SCARB1: variants seen among roughly 807,000 people sequenced by gnomAD.
SCARB1 encodes scavenger receptor class B member 1.
Under a neutral mutation model 57.2 loss-of-function variants are expected in SCARB1, and 30 were observed. The ratio of observed to expected loss-of-function variants is 0.52; its 90% CI spans 0.39 to 0.71. SCARB1 has a LOEUF of 0.71. Among genes scored for constraint, SCARB1 ranks in the 30% least tolerant of loss-of-function variants. SCARB1 has a pLI of 0.00. For missense variants in SCARB1, 543 were observed against 671.2 expected (o/e 0.81, Z 2.11); for synonymous variants, 249 against 268.3 (o/e 0.93, Z 0.70).
At chr12:124,832,523 A>AC (rs1951445312) in intron 1 of SCARB1, among the ~76,000 whole-genome samples, 1 of 151,896 alleles carries the variant, frequency 6.6e-6, no homozygotes, top group South Asian at 2.1e-4. Flanking sequence ...TGGTCTCAAA[A>AC]AAAAAAAAAC....
chr12:124,819,303 T>C (rs1455270993), intron 1 of SCARB1, among the ~76,000 whole-genome samples: 2 of 152,168 alleles, frequency 1.3e-5, no homozygotes, highest in Non-Finnish European at 2.9e-5. Context: ...AGGGAGACGC[T>C]GGGAGAGAGC....
intron 1 of SCARB1, among the ~76,000 whole-genome samples, chr12:124,832,596 C>T (rs533701311): frequency 7.2e-4 from 109 of 151,964 alleles, no homozygotes; most frequent in African/African-American, 2.6e-3. Context: ...CAGGGAGGGC[C>T]AAATCAGTGC....
intron 7 of SCARB1, among the ~76,000 whole-genome samples, chr12:124,801,561 T>A (rs993790161): frequency 2.0e-5 from 3 of 150,792 alleles, no homozygotes; most frequent in Non-Finnish European, 4.4e-5. Flanking sequence ...GGCGGGTGGA[T>A]CACTTGAGGT....
At chr12:124,805,060 G>A (rs779615381) in intron 7 of SCARB1, among the ~76,000 whole-genome samples, 16 of 151,112 alleles carry the variant, frequency 1.1e-4, no homozygotes, top group Non-Finnish European at 1.3e-4. Flanking sequence ...TGAATGGAAG[G>A]GGCAATGAAT....
Position 124,817,743 on chromosome 12 carries a change from G to A in SCARB1, c.127-36C>T, listed in dbSNP as rs369896139. The stretch of plus-strand genomic sequence containing the variant: ...AGGGACAAGTACGCTTGTGAGGAGA[G>A]TGATGAGGGCCCCACGCCCCACCAC... On this transcript the variant is annotated intron_variant, in intron 1 of 12. Transcript: ENST00000261693. The surrounding 1 kb of genome is among the most constrained non-coding windows in gnomAD (Gnocchi z 4.8). The A allele has an allele frequency of 8.1e-6, 13 of 1,612,420 alleles. No individual in the cohort carries two copies. The highest frequency in any genetic ancestry group is 2.7e-5 in the African/African-American group (2 of 74,882).
intron 1 of SCARB1, among the ~76,000 whole-genome samples, chr12:124,857,436 G>A (rs935765944): frequency 6.6e-6 from 1 of 152,194 alleles, no homozygotes; most frequent in Non-Finnish European, 1.5e-5. Context: ...GACATCCCTG[G>A]CTGGCCCTGG....
In SCARB1 at chr12:124,827,305, G is replaced by A. The variant is rs373433587; in HGVS notation, c.127-9598C>T. On this transcript the variant is annotated intron_variant, in intron 1 of 12. Transcript: ENST00000261693. The stretch of plus-strand genomic sequence containing the variant: ...AATAGATCGAGTAAGTGTGAGGAAC[G>A]TGACTGGGGGCTACATACATCAGCT... Among the ~76,000 whole-genome samples, 12 of 152,322 alleles carry A rather than the reference G, an allele frequency of 7.9e-5. No homozygotes were observed. The East Asian group carries it at 2.1e-3, about 27-fold the overall frequency.
In SCARB1 at chr12:124,800,020, A is replaced by G. The variant is rs1950075839; in HGVS notation, c.1128+104T>C. The stretch of plus-strand genomic sequence containing the variant: ...CGAGATTCTAGAAGCCAGGCTTCCC[A>G]CCACCCCAGCCCACAGCAGCTCTCT... On this transcript the variant is annotated intron_variant, in intron 8 of 12. Coordinates refer to ENST00000261693, the MANE Select transcript of SCARB1 (RefSeq NM_005505.5). The surrounding 1 kb of genome is among the most constrained non-coding windows in gnomAD (Gnocchi z 4.8). 2 of 884,776 alleles carry G rather than the reference A, an allele frequency of 2.3e-6. No homozygotes were observed. Among genetic ancestry groups the G allele is most frequent in the African/African-American group, 3.3e-5 (2 of 60,492 alleles). The allele number at this position is 884,776 out of a possible 1,614,324, so 54.8% of individuals were successfully genotyped here. A position where few individuals can be genotyped will look rare whatever the true frequency, so the allele number is the denominator to read the frequency against.
Position 124,817,436 on chromosome 12 carries a change from T to G in SCARB1, c.284+114A>C. On this transcript the variant is annotated intron_variant, in intron 2 of 12. Coordinates refer to ENST00000261693, the MANE Select transcript of SCARB1 (RefSeq NM_005505.5). This position sits in a 1 kb window ranked among gnomAD's most constrained non-coding sequence, Gnocchi z 4.8. The stretch of plus-strand genomic sequence containing the variant: ...CTTACCCCGACTATGACTTGCCTGC[T>G]TCCGGAACAATCTCTGGGGCTCAGT... 2 of 1,067,396 alleles carry G rather than the reference T, an allele frequency of 1.9e-6. No individual in the cohort carries two copies. The highest frequency in any genetic ancestry group is 2.8e-6 in the Non-Finnish European group (2 of 721,348). The allele number at this position is 1,067,396 out of a possible 1,614,324, so 66.1% of individuals were successfully genotyped here.
chr12:124,859,012 C>T (rs1324527078), intron 1 of SCARB1, among the ~76,000 whole-genome samples: 1 of 152,008 alleles, frequency 6.6e-6, no homozygotes, highest in Non-Finnish European at 1.5e-5. Flanking sequence ...GTAGCTAGGA[C>T]TATAGGTGCA....
intron 9 of SCARB1, among the ~76,000 whole-genome samples, chr12:124,790,740 G>A (rs551627778): frequency 1.3e-5 from 2 of 152,350 alleles, no homozygotes; most frequent in South Asian, 2.1e-4. Context: ...AAAAGGCAGT[G>A]TGGCGAGGTG....
At chr12:124,836,760 C>A (rs1330230599) in intron 1 of SCARB1, among the ~76,000 whole-genome samples, 1 of 152,186 alleles carries the variant, frequency 6.6e-6, no homozygotes, top group Non-Finnish European at 1.5e-5. Flanking sequence ...TGCCACTGTA[C>A]TCCAGCCTGG....
chr12:124,797,431 G>C (rs1949978329), intron 8 of SCARB1, among the ~76,000 whole-genome samples: 1 of 152,044 alleles, frequency 6.6e-6, no homozygotes, highest in South Asian at 2.1e-4. Flanking sequence ...GCAGCAAGCT[G>C]ATCTCCTGAT....
At chr12:124,797,556 G>A (rs908528683) in intron 8 of SCARB1, among the ~76,000 whole-genome samples, 2 of 152,194 alleles carry the variant, frequency 1.3e-5, no homozygotes, top group Non-Finnish European at 2.9e-5. Flanking sequence ...AAGTGGCTGC[G>A]GCAAAACAGC....
intron 1 of SCARB1, among the ~76,000 whole-genome samples, chr12:124,832,473 T>C (rs1951441345): frequency 6.6e-6 from 1 of 152,012 alleles, no homozygotes; most frequent in Non-Finnish European, 1.5e-5. Flanking sequence ...TGAGCCGAGA[T>C]TGTGCCACTG....
chr12:124,812,415 C>T lies in SCARB1; in HGVS notation c.631-450G>A, dbSNP rs1950562774. 6.6e-6 allele frequency among the ~76,000 whole-genome samples: 1 copy of T among 152,218 alleles called. No individual in the cohort carries two copies. Among genetic ancestry groups the T allele is most frequent in the Non-Finnish European group, 1.5e-5 (1 of 68,048 alleles). On this transcript the variant is annotated intron_variant, in intron 4 of 12. Coordinates refer to ENST00000261693, the MANE Select transcript of SCARB1 (RefSeq NM_005505.5). This position sits in a 1 kb window ranked among gnomAD's most constrained non-coding sequence, Gnocchi z 4.3. ...CAAGGAGGTATGTGTCAAGACAGAG[C>T]CTCCCTCAGCCTGGATCCCCAAGTG...
intron 1 of SCARB1, among the ~76,000 whole-genome samples, chr12:124,836,977 G>A (rs897723618): frequency 5.3e-5 from 8 of 152,166 alleles, no homozygotes; most frequent in Admixed American, 2.0e-4. Context: ...TAAAGGCCCA[G>A]CACAGGCGTG....
At chr12:124,782,863 G>C (rs770104563) in intron 11 of SCARB1, 52 bp from the exon 12 acceptor site, 19 of 1,596,062 alleles carry the variant, frequency 1.2e-5, no homozygotes, top group Admixed American at 1.7e-5. Flanking sequence ...ACATAAAAAT[G>C]GTTTTACACG....
intron 9 of SCARB1, among the ~76,000 whole-genome samples, chr12:124,794,474 C>A (rs1217896512): frequency 9.6e-5 from 14 of 145,404 alleles, no homozygotes. Context: ...GATCTCGGCT[C>A]ACTGCAAGCT....
Sources: allele counts gnomAD v4.1 joint callset (sites outside exome capture counted in the v4.1 genomes callset), GRCh38; gene constraint gnomAD v4.1.1; non-coding constraint Gnocchi (gnomAD v3.1); transcripts MANE v1.5; gene names NCBI Gene and HGNC (gene_info 2026-07-23, HGNC 2026-07-21).